GREM2: variants seen among roughly 807,000 people sequenced by gnomAD.
GREM2 encodes gremlin-2.
GREM2 carries 11 observed loss-of-function variants against 14.2 expected under a neutral mutation model. The ratio of observed to expected loss-of-function variants is 0.78; its 90% confidence interval spans 0.49 to 1.28. The LOEUF (loss-of-function observed/expected upper bound fraction) is 1.28, where lower values mean the gene tolerates loss of function less well. GREM2 is among the 50% of genes most tolerant of loss of function. The pLI, the probability that GREM2 is intolerant of heterozygous loss-of-function variation, is 0.00. For missense variants in GREM2, 210 were observed against 218.5 expected (o/e 0.96, Z 0.24); for synonymous variants, 98 against 97.6 (o/e 1.00, Z -0.02).
At chr1:240,544,248 C>T (rs779667296) in intron 1 of GREM2, among the ~76,000 whole-genome samples, 12 of 151,318 alleles carry the variant, frequency 7.9e-5, no homozygotes, top group African/African-American at 1.2e-4. Context: ...CCTGGGTTCA[C>T]GCCTTTCTCC....
intron 1 of GREM2, among the ~76,000 whole-genome samples, chr1:240,511,680 G>A (rs1443019697): frequency 6.6e-6 from 1 of 152,184 alleles, no homozygotes; most frequent in Non-Finnish European, 1.5e-5. Flanking sequence ...TTGAACCTGA[G>A]AGGTGGAGTT....
At chr1:240,591,825 T>C (rs1029656691) in intron 1 of GREM2, among the ~76,000 whole-genome samples, 1 of 152,174 alleles carries the variant, frequency 6.6e-6, no homozygotes, top group Non-Finnish European at 1.5e-5. Context: ...GTACCTTCCC[T>C]GGCAATCTGG....
At chr1:240,535,923 G>A (rs1678460728) in intron 1 of GREM2, among the ~76,000 whole-genome samples, 1 of 152,138 alleles carries the variant, frequency 6.6e-6, no homozygotes, top group Non-Finnish European at 1.5e-5. Context: ...ATCCCAAGAA[G>A]TAGGGAATGA....
intron 1 of GREM2, among the ~76,000 whole-genome samples, chr1:240,569,336 T>C (rs529109231): frequency 6.6e-6 from 1 of 152,312 alleles, no homozygotes; most frequent in African/African-American, 2.4e-5. Flanking sequence ...TTTTTGGAGA[T>C]ATTTACAAGA....
intron 1 of GREM2, among the ~76,000 whole-genome samples, chr1:240,591,003 A>G (rs1035726254): frequency 7.3e-5 from 11 of 149,842 alleles, no homozygotes; most frequent in African/African-American, 1.7e-4. Context: ...GCTGGTCTCA[A>G]ATGCCTGACC....
At chr1:240,562,878 ATGTG>A (rs893764243) in intron 1 of GREM2, among the ~76,000 whole-genome samples, 1 of 143,532 alleles carries the variant, frequency 7.0e-6, no homozygotes. Flanking sequence ...GTGAGTGTGT[ATGTG>A]TGTATGAGTG....
intron 1 of GREM2, among the ~76,000 whole-genome samples, chr1:240,582,559 G>A (rs1322962985): frequency 6.6e-6 from 1 of 152,090 alleles, no homozygotes; most frequent in African/African-American, 2.4e-5. Context: ...ACTTTGGGAG[G>A]CCGAGACAGG....
At position 240,531,586 on chromosome 1, in the gene GREM2, G is replaced by C. The variant is rs967272490; in HGVS notation, c.-1-38110C>G. ...ACAAAGGAAATTAGGGAACAGAATA[G>C]TGGAGTTGGTGTGTGGTTATGTGGC... On this transcript the variant is annotated intron_variant, in intron 1 of 1. Coordinates refer to ENST00000318160, the MANE Select transcript of GREM2 (RefSeq NM_022469.4). 3.3e-6 allele frequency: 3 copies of C among 908,614 alleles called. No individual in the cohort carries two copies. The African/African-American group carries it at 5.4e-5, about 16-fold the overall frequency. 56.3% of individuals were successfully genotyped at this position (908,614 alleles called of 1,614,324 possible).
intron 1 of GREM2, among the ~76,000 whole-genome samples, chr1:240,590,419 T>G (rs1465449903): frequency 7.0e-6 from 1 of 143,302 alleles, no homozygotes; most frequent in Non-Finnish European, 1.5e-5. Context: ...TTTTTACTTT[T>G]TCTTTTTCTT....
intron 1 of GREM2, among the ~76,000 whole-genome samples, chr1:240,576,248 G>A (rs528789616): frequency 1.1e-4 from 16 of 152,072 alleles, no homozygotes; most frequent in Non-Finnish European, 2.4e-4. Context: ...CATGAACTAG[G>A]GCCAGCAATA....
chr1:240,565,303 A>G (rs1029247914), intron 1 of GREM2, among the ~76,000 whole-genome samples: 18 of 152,316 alleles, frequency 1.2e-4, no homozygotes, highest in Admixed American at 5.2e-4. Flanking sequence ...ATGAAATGGT[A>G]ACATCAAATT....
intron 1 of GREM2, among the ~76,000 whole-genome samples, chr1:240,566,874 T>C (rs372456792): frequency 2.0e-5 from 3 of 151,966 alleles, no homozygotes; most frequent in African/African-American, 7.2e-5. Flanking sequence ...CAGGAAAGTA[T>C]GAACCATAGT....
intron 1 of GREM2, among the ~76,000 whole-genome samples, chr1:240,593,422 T>C (rs938725704): frequency 6.6e-6 from 1 of 151,752 alleles, no homozygotes; most frequent in African/African-American, 2.4e-5. Flanking sequence ...TTCCACCAGT[T>C]ATGAGTTGGG....
intron 1 of GREM2, among the ~76,000 whole-genome samples, chr1:240,569,516 AG>A (rs1318629847): frequency 6.6e-6 from 1 of 152,244 alleles, no homozygotes; most frequent in Admixed American, 6.5e-5. Context: ...TCAAAGAAAA[AG>A]AATAGTTTGC....
intron 1 of GREM2, among the ~76,000 whole-genome samples, chr1:240,512,130 C>T (rs1201157219): frequency 6.6e-6 from 1 of 151,978 alleles, no homozygotes; most frequent in Non-Finnish European, 1.5e-5. Context: ...GATCCAGTTA[C>T]CATTTCAATG....
At chr1:240,603,586 G>GTGTT (rs1486467296) in intron 1 of GREM2, among the ~76,000 whole-genome samples, 1 of 151,966 alleles carries the variant, frequency 6.6e-6, no homozygotes, top group Non-Finnish European at 1.5e-5. Flanking sequence ...ACAGCTGAAG[G>GTGTT]TGTTAGAAAG....
intron 1 of GREM2, among the ~76,000 whole-genome samples, chr1:240,559,247 T>C (rs1382931026): frequency 6.6e-6 from 1 of 152,148 alleles, no homozygotes; most frequent in East Asian, 1.9e-4. Context: ...CTTAATGAAT[T>C]GTGCAGATGT....
At chr1:240,556,805 A>G (rs963638578) in intron 1 of GREM2, among the ~76,000 whole-genome samples, 1 of 152,204 alleles carries the variant, frequency 6.6e-6, no homozygotes, top group Admixed American at 6.5e-5. Context: ...AATGACAAAA[A>G]TGCAAAACAG....
intron 1 of GREM2, among the ~76,000 whole-genome samples, chr1:240,539,686 A>G (rs373397472): frequency 9.2e-5 from 14 of 152,248 alleles, no homozygotes; most frequent in African/African-American, 2.9e-4. Flanking sequence ...AATAGTAGGT[A>G]GAAGGAGGAA....
Sources: allele counts gnomAD v4.1 joint callset (sites outside exome capture counted in the v4.1 genomes callset), GRCh38; gene constraint gnomAD v4.1.1; transcripts MANE v1.5; gene names NCBI Gene and HGNC (gene_info 2026-07-23, HGNC 2026-07-21).